NPHS1: variants seen among roughly 807,000 people sequenced by gnomAD.
NPHS1 encodes the protein NPHS1 adhesion molecule, nephrin.
A neutral mutation model predicts 139.7 loss-of-function variants in NPHS1; 107 were observed. The observed-to-expected ratio is 0.77, with a 90% confidence interval of 0.66 to 0.90. The LOEUF (loss-of-function observed/expected upper bound fraction) is 0.90. Ranked by LOEUF, NPHS1 falls within the 40% of genes least tolerant of loss-of-function variation. The pLI is 0.00. For synonymous variants in NPHS1, 707 were observed against 706.6 expected (o/e 1.00, Z -0.01); for missense variants, 1,580 against 1,654.2 (o/e 0.96, Z 0.78).
intron 17 of NPHS1, among the ~76,000 whole-genome samples, chr19:35,843,059 C>A (rs184176227): frequency 3.9e-4 from 60 of 152,294 alleles, no homozygotes; most frequent in Non-Finnish European, 6.8e-4. Context: ...ATCAATTCAT[C>A]CATCATCCTT....
rs781218705 is a variant in NPHS1, at chr19:35,851,431, G to C, written c.274+26C>G. The C allele has an allele frequency of 8.1e-6, 13 of 1,612,870 alleles. No individual in the cohort carries two copies. The East Asian group carries it at 2.7e-4, about 33-fold the overall frequency. On this transcript the variant is annotated intron_variant, in intron 2 of 28. Coordinates refer to ENST00000378910, the MANE Select transcript of NPHS1 (RefSeq NM_004646.4). ...AGGGCCGCAGCTTCCGCTGGTGGCT[G>C]AGGGTCTCAGGCTCTGATCCCTTAC... is the stretch of plus-strand genomic sequence containing the variant.
chr19:35,844,407 C>T lies in NPHS1; in HGVS notation c.1983G>A (p.Gln661=). ...EQVLVVTAVE[Q]GEALLPVSVS... ...CGGACACGGGCAGCAACGCCTCGCC[C>T]TGCTCCACCGCGGTCACCACCAGCA... Residue 661 remains glutamine (Q), a synonymous_variant, in exon 15 of 29, where the codon CAG becomes CAA. Transcript: ENST00000378910. 1.9e-6 allele frequency: 3 copies of T among 1,608,156 alleles called. No individual in the cohort carries two copies. The highest frequency in any genetic ancestry group is 2.5e-6 in the Non-Finnish European group (3 of 1,177,718).
At chr19:35,847,344 C>CT (rs34920536) in intron 11 of NPHS1, among the ~76,000 whole-genome samples, 4,250 of 59,856 alleles carry the variant, frequency 0.071, 1,368 homozygotes, top group African/African-American at 0.17. Flanking sequence ...TGTGCCCAGC[C>CT]TTTTTTTTTT....
In NPHS1 at chr19:35,851,059, T is replaced by A. The variant is rs781117481; in HGVS notation, c.428A>T (p.Glu143Val). The change falls in exon 4 of 29, where the codon GAG (glutamate) becomes GTG (valine). Residue 143 changes from glutamate (E) to valine (V), a missense_variant. Physicochemically the swap from Glu to Val is moderately radical, Grantham distance 121. Transcript: ENST00000378910. ...VPPKLLLLTPEAGTMVTWVAG... is the reference protein window; with the variant it reads ...VPPKLLLLTPVAGTMVTWVAG... Reference sequence around the variant, plus strand: ...TACCCAGGTGACCATGGTGCCTGCCTCTGGGGTCAGCAGGAGCAGCTTGGG... The same window carrying A: ...TACCCAGGTGACCATGGTGCCTGCCACTGGGGTCAGCAGGAGCAGCTTGGG... 2.9e-5 allele frequency: 46 copies of A among 1,614,032 alleles called. No individual in the cohort carries two copies. Among genetic ancestry groups the A allele is most frequent in the Non-Finnish European group, 3.6e-5 (42 of 1,180,036 alleles).
Position 35,842,487 on chromosome 19 carries a change from GC to G in NPHS1, c.2397del (p.Arg800AlafsTer47). On this transcript the variant is annotated frameshift_variant, in exon 18 of 29. Transcript: ENST00000378910. LOFTEE classifies it high-confidence loss of function. ...DMEKISRGPT[G>X]RLRIHHAKLA... Reference sequence around the variant, plus strand: ...AGTTTGGCATGGTGAATCCGCAGGCGCCCCGTTGGTCCCCTGGATATCTTCT... The same window carrying G: ...AGTTTGGCATGGTGAATCCGCAGGCGCCCGTTGGTCCCCTGGATATCTTCT... 1 of 1,614,076 alleles carries G rather than the reference GC, an allele frequency of 6.2e-7. No homozygotes were observed. The highest frequency in any genetic ancestry group is 1.1e-5 in the South Asian group (1 of 91,072).
Position 35,839,515 on chromosome 19 carries a change from G to A in NPHS1, c.2908C>T (p.Pro970Ser). 6.2e-7 allele frequency: 1 copy of A among 1,614,084 alleles called. No individual in the cohort carries two copies. The highest frequency in any genetic ancestry group is 8.5e-7 in the Non-Finnish European group (1 of 1,179,968). The part of the protein sequence containing the change: ...EWKPGFDGGL[P>S]QRFCIRYEAL... ...ACCCACCTGATGCAGAACCTCTGTGGCAGGCCCCCATCAAAGCCAGGCTTC... is the reference window on the plus strand; with the variant it reads ...ACCCACCTGATGCAGAACCTCTGTGACAGGCCCCCATCAAAGCCAGGCTTC... The change falls in exon 21 of 29, where the codon CCA (proline) becomes TCA (serine). Residue 970 changes from proline (P) to serine (S), a missense_variant. Transcript: ENST00000378910.
chr19:35,849,872 G>A (rs1480996095), intron 5 of NPHS1, among the ~76,000 whole-genome samples: 1 of 152,040 alleles, frequency 6.6e-6, no homozygotes, highest in Non-Finnish European at 1.5e-5. Flanking sequence ...TTAGTGCTTG[G>A]GACTCTAGAA....
intron 23 of NPHS1, among the ~76,000 whole-genome samples, chr19:35,832,487 T>G (rs1029741902): frequency 1.3e-5 from 2 of 152,014 alleles, no homozygotes; most frequent in Non-Finnish European, 2.9e-5. Flanking sequence ...AAGGCTCCAG[T>G]GAGCTATGAT....
Position 35,835,687 on chromosome 19 carries a change from A to G in NPHS1, c.3166+18T>C, listed in dbSNP as rs1044542405. 69 of 1,611,352 alleles carry G rather than the reference A, an allele frequency of 4.3e-5. No individual in the cohort carries two copies. Among genetic ancestry groups the G allele is most frequent in the African/African-American group, 1.3e-4 (10 of 74,794 alleles). Reference sequence around the variant, plus strand: ...ATTCTCAGGGGAGCCGGGAGGGATCAGGGGACTGAGGACTTGCCTGAAGGT... The same window carrying G: ...ATTCTCAGGGGAGCCGGGAGGGATCGGGGGACTGAGGACTTGCCTGAAGGT... On this transcript the variant is annotated intron_variant, in intron 23 of 28. Transcript: ENST00000378910.
Position 35,851,051 on chromosome 19 carries a change from T to C in NPHS1, c.436A>G (p.Thr146Ala). The C allele has an allele frequency of 1.2e-6, 2 of 1,614,146 alleles. No individual in the cohort carries two copies. Among genetic ancestry groups the C allele is most frequent in the Non-Finnish European group, 1.7e-6 (2 of 1,180,014 alleles). ...KLLLLTPEAGTMVTWVAGQEY... is the reference protein window; with the variant it reads ...KLLLLTPEAGAMVTWVAGQEY... ...TGCCCAGCTACCCAGGTGACCATGG[T>C]GCCTGCCTCTGGGGTCAGCAGGAGC... Residue 146 changes from threonine to alanine, a missense_variant, in exon 4 of 29, where the codon ACC (threonine) becomes GCC (alanine). Thr to Ala is a moderately conservative substitution (Grantham distance 58). Transcript: ENST00000378910.
chr19:35,826,682 A>G (rs751911317), intron 28 of NPHS1, 37 bp from the exon 29 acceptor site: 6 of 1,613,090 alleles, frequency 3.7e-6, no homozygotes, highest in South Asian at 1.1e-5. Flanking sequence ...CCATGGAGAG[A>G]TGCCCTGTAG....
Position 35,831,720 on chromosome 19 carries a change from C to T in NPHS1, c.3209G>A (p.Gly1070Glu), listed in dbSNP as rs1035908181. Residue 1070 changes from glycine to glutamate, a missense_variant, in exon 24 of 29, where the codon GGG becomes GAG. Transcript: ENST00000378910. ...GGCATTGGAGAGGAGCAGAAGCCCC[C>T]CAAGAGCGAACAGCACAGGCAGCAG... ...LPLLPVLFAL[G>E]GLLLLSNASC... 1 of 1,592,070 alleles carries T rather than the reference C, an allele frequency of 6.3e-7. No individual in the cohort carries two copies. The highest frequency in any genetic ancestry group is 2.3e-5 in the East Asian group (1 of 43,536).
rs386833899 is a variant in NPHS1, at chr19:35,844,436, G to A, written c.1954C>T (p.Gln652Ter). 35 of 1,591,432 alleles carry A rather than the reference G, an allele frequency of 2.2e-5. No homozygotes were observed. Among genetic ancestry groups the A allele is most frequent in the Non-Finnish European group, 2.8e-5 (33 of 1,170,092 alleles). ...VLYRPEFLGE[Q>*]VLVVTAVEQG... Reference sequence around the variant, plus strand: ...TCCACCGCGGTCACCACCAGCACCTGCTCCCCCAGGAACTCTGGACGGTCT... The same window carrying A: ...TCCACCGCGGTCACCACCAGCACCTACTCCCCCAGGAACTCTGGACGGTCT... The change falls in exon 15 of 29, where the codon CAG becomes TAG. Residue 652 changes from glutamine (Q) to a stop codon, truncating the protein, a stop_gained. Transcript: ENST00000378910. LOFTEE classifies it high-confidence loss of function.
In NPHS1 at chr19:35,845,346, G is replaced by A. The variant is rs760965607; in HGVS notation, c.1930+22C>T. On this transcript the variant is annotated intron_variant, in intron 14 of 28. Transcript: ENST00000378910. This position sits in a 1 kb window ranked among gnomAD's most constrained non-coding sequence, Gnocchi z 5.5. Reference sequence around the variant, plus strand: ...TAGGGTCAAGAAGGCATCGAGAGGGGCTTTCAGGCCGGGGCACATACACAG... The same window carrying A: ...TAGGGTCAAGAAGGCATCGAGAGGGACTTTCAGGCCGGGGCACATACACAG... 3.7e-6 allele frequency: 6 copies of A among 1,613,944 alleles called. No homozygotes were observed. Among genetic ancestry groups the A allele is most frequent in the African/African-American group, 1.3e-5 (1 of 75,062 alleles).
intron 17 of NPHS1, 118 bp from the exon 18 acceptor site, chr19:35,842,668 G>T: frequency 9.7e-7 from 1 of 1,030,518 alleles, no homozygotes; most frequent in Non-Finnish European, 1.5e-6. Flanking sequence ...CAGAGGTATT[G>T]AAGAAAAAAA....
chr19:35,849,323 A>C lies in NPHS1; in HGVS notation c.753T>G (p.Asp251Glu). 6.2e-7 allele frequency: 1 copy of C among 1,612,738 alleles called. No homozygotes were observed. Among genetic ancestry groups the C allele is most frequent in the Non-Finnish European group, 8.5e-7 (1 of 1,179,954 alleles). Reference sequence around the variant, plus strand: ...TCTGTCCTGCCCGCACGTGCCCCTCATCCAGGCCTGGCCACTCGATGACAG... The same window carrying C: ...TCTGTCCTGCCCGCACGTGCCCCTCCTCCAGGCCTGGCCACTCGATGACAG... ...GPPVIEWPGL[D>E]EGHVRAGQSL... The change falls in exon 7 of 29, where the codon GAT (aspartate) becomes GAG (glutamate). Residue 251 changes from aspartate (D) to glutamate (E), a missense_variant. Asp to Glu is a conservative substitution (Grantham distance 45, BLOSUM62 2). Coordinates refer to ENST00000378910, the MANE Select transcript of NPHS1 (RefSeq NM_004646.4).
At chr19:35,840,669 C>T (rs1286731333) in intron 20 of NPHS1, among the ~76,000 whole-genome samples, 1 of 148,486 alleles carries the variant, frequency 6.7e-6, no homozygotes, top group East Asian at 2.0e-4. Flanking sequence ...ATAGCATTTG[C>T]GTCAAGCAAT....
rs1432137179 is a variant in NPHS1 at position 35,826,460 on chromosome 19, G to T, written c.*54C>A. 3 of 1,607,502 alleles carry T rather than the reference G, an allele frequency of 1.9e-6. No homozygotes were observed. Among genetic ancestry groups the T allele is most frequent in the Non-Finnish European group, 2.6e-6 (3 of 1,175,674 alleles). ...GCTCGGCCCAGGCTGTAATGAGAGA[G>T]ACCAGTGGAGTGTAAATTCCTGCAG... is the stretch of plus-strand genomic sequence containing the variant. On this transcript the variant is annotated 3_prime_UTR_variant, in exon 29 of 29. Transcript: ENST00000378910.
chr19:35,827,268 A>G (rs535309933), intron 28 of NPHS1, among the ~76,000 whole-genome samples: 78 of 152,020 alleles, frequency 5.1e-4, no homozygotes, highest in African/African-American at 1.8e-3. Flanking sequence ...AGTCACTGGG[A>G]TTATGAGCCA....
Sources: gnomAD v4.1 joint callset for allele counts (sites outside exome capture counted in the v4.1 genomes callset) on GRCh38, gnomAD v4.1.1 for gene constraint, Gnocchi (gnomAD v3.1) non-coding constraint, MANE v1.5 for transcripts, NCBI Gene and HGNC (gene_info 2026-07-23, HGNC 2026-07-21) for gene names.